ATP10A: variants seen among roughly 807,000 people sequenced by gnomAD.
The protein encoded by ATP10A is ATPase phospholipid transporting 10A (putative).
Under a neutral mutation model 147.8 loss-of-function variants are expected in ATP10A, and 111 were observed. The ratio of observed to expected loss-of-function variants is 0.75; its 90% CI spans 0.64 to 0.88. The LOEUF (loss-of-function observed/expected upper bound fraction) is 0.88, where lower values mean the gene tolerates loss of function less well. Ranked by LOEUF, ATP10A falls within the 40% of genes least tolerant of loss-of-function variation. The pLI is 0.00. For synonymous variants in ATP10A, 875 were observed against 841.6 expected (o/e 1.04, Z -0.69); for missense variants, 1,927 against 1,959.0 (o/e 0.98, Z 0.31).
Position 25,680,138 on chromosome 15 carries a change from G to C in ATP10A, c.3849C>G (p.Val1283=), listed in dbSNP as rs761846602. 5 of 1,613,846 alleles carry C rather than the reference G, an allele frequency of 3.1e-6. No individual in the cohort carries two copies. The South Asian group carries it at 4.4e-5, about 14-fold the overall frequency. ...ACACCCACCTGGGCAGCAGTGCAGC[G>C]ACAGGCGTCATCAGGCAAGTCAAGT... ...VFYLTCLMTP[V]AALLPRLFFR... is the part of the protein sequence containing the mutation. Residue 1283 remains valine (V), a synonymous_variant, in exon 20 of 21, where the codon GTC becomes GTG. Coordinates refer to ENST00000555815, the MANE Select transcript of ATP10A (RefSeq NM_024490.4).
chr15:25,774,690 T>TA (rs149465540), intron 2 of ATP10A, among the ~76,000 whole-genome samples: 14,731 of 150,182 alleles, frequency 0.098, 1,479 homozygotes, highest in African/African-American at 0.25. Context: ...CACCAGAATT[T>TA]AAAAAAAAAA....
chr15:25,708,750 T>A (rs1901209779), intron 10 of ATP10A: 1 of 162,546 alleles, frequency 6.2e-6, no homozygotes, highest in African/African-American at 2.4e-5. Flanking sequence ...TTAATGAAAA[T>A]TCTTACTTAA....
At chr15:25,680,785 A>C (rs1257613814) in intron 19 of ATP10A, 25 bp downstream of exon 19, 4 of 1,586,246 alleles carry the variant, frequency 2.5e-6, no homozygotes, top group Non-Finnish European at 3.5e-6. Flanking sequence ...CTCTTCTGAG[A>C]CGTGGCCATG....
chr15:25,823,280 G>A (rs1282861590), intron 1 of ATP10A, among the ~76,000 whole-genome samples: 1 of 152,148 alleles, frequency 6.6e-6, no homozygotes. Context: ...ATCGATGATA[G>A]TAATAGTACA....
In ATP10A at chr15:25,696,083, C is replaced by G. The variant is rs143089584; in HGVS notation, c.2761-937G>C. Among the ~76,000 whole-genome samples, 646 of 152,292 alleles carry G rather than the reference C, an allele frequency of 4.2e-3. 4 individuals carry two copies. The highest frequency in any genetic ancestry group is 7.2e-3 in the Non-Finnish European group (491 of 68,024). On this transcript the variant is annotated intron_variant, in intron 13 of 20. Coordinates refer to ENST00000555815, the MANE Select transcript of ATP10A (RefSeq NM_024490.4). ...AGGGACCACCGTCTCCAGGAACAAA[C>G]ACGCTCCGGGGAGCCTGGGCAGCTC... is the stretch of plus-strand genomic sequence containing the variant.
intron 13 of ATP10A, among the ~76,000 whole-genome samples, chr15:25,695,675 G>C (rs975077764): frequency 6.6e-6 from 1 of 151,822 alleles, no homozygotes; most frequent in Non-Finnish European, 1.5e-5. Context: ...GATCTTACTT[G>C]ATCACCCATG....
At chr15:25,742,521 C>G (rs759017964) in intron 2 of ATP10A, among the ~76,000 whole-genome samples, 1 of 152,190 alleles carries the variant, frequency 6.6e-6, no homozygotes, top group African/African-American at 2.4e-5. Context: ...TCCTGACTGT[C>G]GCACAGTCAA....
chr15:25,841,189 T>A (rs1175524155), intron 1 of ATP10A, among the ~76,000 whole-genome samples: 1 of 152,204 alleles, frequency 6.6e-6, no homozygotes, highest in African/African-American at 2.4e-5. Context: ...CAAAAATGTT[T>A]TATGTTTTCT....
chr15:25,800,793 A>T (rs908418711), intron 1 of ATP10A, among the ~76,000 whole-genome samples: 1 of 152,140 alleles, frequency 6.6e-6, no homozygotes, highest in Non-Finnish European at 1.5e-5. Context: ...GCTCACAGTA[A>T]CTATTTTAAC....
intron 1 of ATP10A, among the ~76,000 whole-genome samples, chr15:25,859,549 C>T (rs866322404): frequency 2.0e-5 from 3 of 152,094 alleles, no homozygotes; most frequent in Non-Finnish European, 2.9e-5. Context: ...GCCCTTCCCC[C>T]CTGCAGGCGC....
intron 3 of ATP10A, among the ~76,000 whole-genome samples, chr15:25,728,854 G>A (rs1243392193): frequency 6.6e-6 from 1 of 152,196 alleles, no homozygotes; most frequent in African/African-American, 2.4e-5. Context: ...AGAAGGAAGA[G>A]CGAATGCGAG....
At chr15:25,730,251 A>C (rs1293754067) in intron 3 of ATP10A, among the ~76,000 whole-genome samples, 1 of 151,252 alleles carries the variant, frequency 6.6e-6, no homozygotes, top group Non-Finnish European at 1.5e-5. Context: ...GCAGTGAGCC[A>C]AGATCGCGCC....
chr15:25,730,136 C>CAA (rs765379278), intron 3 of ATP10A, among the ~76,000 whole-genome samples: 210 of 100,788 alleles, frequency 2.1e-3, no homozygotes, highest in African/African-American at 6.7e-3. Context: ...ACTAAAAATA[C>CAA]AAAAAAAAAA....
intron 3 of ATP10A, among the ~76,000 whole-genome samples, chr15:25,732,305 G>A (rs914729686): frequency 2.0e-5 from 3 of 151,748 alleles, no homozygotes; most frequent in Admixed American, 6.6e-5. Context: ...GCACAATCAC[G>A]GTTCACTGCA....
chr15:25,848,097 C>T (rs1893109020), intron 1 of ATP10A, among the ~76,000 whole-genome samples: 1 of 149,646 alleles, frequency 6.7e-6, no homozygotes, highest in Non-Finnish European at 1.5e-5. Flanking sequence ...ACCAGCCTGG[C>T]AACACAGCAA....
At position 25,741,298 on chromosome 15, in the gene ATP10A, C is replaced by T. The variant is rs569604222; in HGVS notation, c.655-5157G>A. Among the ~76,000 whole-genome samples the T allele has an allele frequency of 2.6e-5, 4 of 152,236 alleles. No homozygotes were observed. In the South Asian group the frequency reaches 8.3e-4, roughly 32 times the overall value. On this transcript the variant is annotated intron_variant, in intron 2 of 20. Coordinates refer to ENST00000555815, the MANE Select transcript of ATP10A (RefSeq NM_024490.4). Reference sequence around the variant, plus strand: ...CAGGTGCCACAAGCTTCTGGATCACCCCAGAACTCCGTGCTGGGCTCTTGG... The same window carrying T: ...CAGGTGCCACAAGCTTCTGGATCACTCCAGAACTCCGTGCTGGGCTCTTGG...
At chr15:25,802,826 T>C (rs1891000699) in intron 1 of ATP10A, among the ~76,000 whole-genome samples, 1 of 152,164 alleles carries the variant, frequency 6.6e-6, no homozygotes, top group African/African-American at 2.4e-5. Context: ...TCGAGGTCAC[T>C]GAGAAGCTCC....
chr15:25,771,967 G>A (rs1410180195), intron 2 of ATP10A, among the ~76,000 whole-genome samples: 1 of 151,996 alleles, frequency 6.6e-6, no homozygotes, highest in Non-Finnish European at 1.5e-5. Flanking sequence ...GGCCAGGCTG[G>A]TCTTGAACTC....
intron 1 of ATP10A, among the ~76,000 whole-genome samples, chr15:25,832,909 C>G (rs1461734000): frequency 6.6e-6 from 1 of 151,814 alleles, no homozygotes; most frequent in Non-Finnish European, 1.5e-5. Flanking sequence ...TATACATAGG[C>G]AATATCACTC....
Sources: gnomAD v4.1 joint callset for allele counts (sites outside exome capture counted in the v4.1 genomes callset) on GRCh38, gnomAD v4.1.1 for gene constraint, MANE v1.5 for transcripts, NCBI Gene and HGNC (gene_info 2026-07-23, HGNC 2026-07-21) for gene names.